The following FNDC3A variants were observed in gnomAD, a reference collection of about 807,000 sequenced individuals.
FNDC3A encodes fibronectin type III domain containing 3A.
FNDC3A carries 32 observed loss-of-function variants against 148.9 expected under a neutral mutation model. The observed-to-expected ratio is 0.21, with a 90% CI of 0.16 to 0.29. FNDC3A has a LOEUF of 0.29. Among genes scored for constraint, FNDC3A ranks in the 10% least tolerant of loss-of-function variants. The pLI, the probability that FNDC3A is intolerant of heterozygous loss-of-function variation, is 1.00. For missense variants in FNDC3A, 1,191 were observed against 1,452.8 expected, an observed-to-expected ratio of 0.82 and a Z score of 2.93; for synonymous variants, 472 against 473.6, an observed-to-expected ratio of 1.00 and a Z score of 0.04.
chr13:48,987,223 T>A (rs1456998737), intron 1 of FNDC3A, among the ~76,000 whole-genome samples: 1 of 152,200 alleles, frequency 6.6e-6, no homozygotes, highest in Admixed American at 6.5e-5. Flanking sequence ...GCCTATGTGC[T>A]CCAAAGACAC....
intron 3 of FNDC3A, chr13:49,110,372 T>A: frequency 1.2e-6 from 2 of 1,612,936 alleles, no homozygotes; most frequent in Non-Finnish European, 1.7e-6. Flanking sequence ...TGGATTTTCT[T>A]GTTCTCTGCT....
rs1043864401 is a variant in FNDC3A, at chr13:49,017,858, C to T, written c.99+11569C>T. Among the ~76,000 whole-genome samples the T allele has an allele frequency of 6.5e-4, 98 of 151,906 alleles. 2 individuals carry two copies. Among genetic ancestry groups the T allele is most frequent in the African/African-American group, 1.4e-3 (60 of 41,420 alleles). ...AAGTATTTTATTTCTCCTTCACTTA[C>T]GAAGCTTAGTTTGGCTGGATATGAA... On this transcript the variant is annotated intron_variant, in intron 2 of 25. Coordinates refer to ENST00000492622, the MANE Select transcript of FNDC3A (RefSeq NM_001079673.2).
At chr13:49,060,710 CTG>C (rs1285956886) in intron 2 of FNDC3A, among the ~76,000 whole-genome samples, 1 of 145,358 alleles carries the variant, frequency 6.9e-6, no homozygotes, top group African/African-American at 2.6e-5. Context: ...CTTAAAAACA[CTG>C]TACTGAGTGA....
chr13:49,141,231 T>A (rs1882672793), intron 7 of FNDC3A, among the ~76,000 whole-genome samples: 1 of 152,218 alleles, frequency 6.6e-6, no homozygotes, highest in Admixed American at 6.5e-5. Context: ...ATGAAATAAT[T>A]AACTATATTG....
chr13:49,127,716 T>C (rs993493827), intron 4 of FNDC3A, among the ~76,000 whole-genome samples: 4 of 152,152 alleles, frequency 2.6e-5, no homozygotes, highest in Non-Finnish European at 4.4e-5. Flanking sequence ...TTATAAACTC[T>C]TCAAACTCAC....
At chr13:48,982,444 T>G (rs1165486437) in intron 1 of FNDC3A, among the ~76,000 whole-genome samples, 1 of 152,156 alleles carries the variant, frequency 6.6e-6, no homozygotes, top group Non-Finnish European at 1.5e-5. Flanking sequence ...ATGCTTCAGA[T>G]TGGTATTCCT....
intron 2 of FNDC3A, among the ~76,000 whole-genome samples, chr13:49,024,818 C>T (rs745480363): frequency 1.1e-4 from 16 of 151,944 alleles, no homozygotes; most frequent in South Asian, 2.1e-4. Flanking sequence ...TCTCTAGGAA[C>T]TGAAAAATAA....
At chr13:49,086,523 T>TCA (rs1878826263) in intron 3 of FNDC3A, among the ~76,000 whole-genome samples, 1 of 152,218 alleles carries the variant, frequency 6.6e-6, no homozygotes, top group South Asian at 2.1e-4. Context: ...TTTTATAAGA[T>TCA]CACTGGTTAT....
At chr13:49,065,453 A>G (rs1566227342) in intron 2 of FNDC3A, among the ~76,000 whole-genome samples, 1 of 152,198 alleles carries the variant, frequency 6.6e-6, no homozygotes, top group Non-Finnish European at 1.5e-5. Context: ...TATGTTACAT[A>G]CCTATTTATC....
chr13:48,997,336 A>C (rs1466718677), intron 1 of FNDC3A, among the ~76,000 whole-genome samples: 2 of 152,230 alleles, frequency 1.3e-5, no homozygotes, highest in East Asian at 3.9e-4. Context: ...AGGTTAAGGA[A>C]GAAAACTAGC....
At chr13:49,197,566 TA>T (rs1886213788) in intron 20 of FNDC3A, among the ~76,000 whole-genome samples, 158 bp from the exon 21 acceptor site, 1 of 152,214 alleles carries the variant, frequency 6.6e-6, no homozygotes. Context: ...TCTTAATGAA[TA>T]AAAAATGTAA....
Position 49,197,689 on chromosome 13 carries a change from CAAGACT to C in FNDC3A, c.2341-30_2341-25del, listed in dbSNP as rs761751209. The stretch of plus-strand genomic sequence containing the variant: ...TGGCCAAAAGCTATTTAATCAACAT[CAAGACT>C]AAGACCTTTATCCTTTTCTTAATTT... On this transcript the variant is annotated intron_variant, in intron 20 of 25. Coordinates refer to ENST00000492622, the MANE Select transcript of FNDC3A (RefSeq NM_001079673.2). 9 of 1,564,006 alleles carry C rather than the reference CAAGACT, an allele frequency of 5.8e-6. No individual in the cohort carries two copies. In the East Asian group the frequency reaches 1.8e-4, roughly 32 times the overall value.
chr13:49,188,477 A>G, intron 16 of FNDC3A, 38 bp from the exon 17 acceptor site: 1 of 1,237,482 alleles, frequency 8.1e-7, no homozygotes, highest in Non-Finnish European at 1.2e-6. Context: ...GTTAAACATT[A>G]CCTAGTATCT....
chr13:49,136,379 A>G lies in FNDC3A; in HGVS notation c.538A>G (p.Ser180Gly), dbSNP rs759935299. Residue 180 changes from serine to glycine, a missense_variant, in exon 6 of 26, where the codon AGT becomes GGT. Ser to Gly is a moderately conservative substitution (Grantham distance 56). This residue lies in a region of FNDC3A where 426 missense variants were observed against 473.2 expected (regional missense o/e 0.90). Transcript: ENST00000492622. ...GTCCAACTTTAGAGATGAACGATCTAGTAAAACATATGAACGTTTGCAGAA... is the reference window on the plus strand; with the variant it reads ...GTCCAACTTTAGAGATGAACGATCTGGTAAAACATATGAACGTTTGCAGAA... ...GRSNFRDERS[S>G]KTYERLQKKL... The G allele has an allele frequency of 6.2e-7, 1 of 1,614,102 alleles. No homozygotes were observed. The highest frequency in any genetic ancestry group is 1.3e-5 in the African/African-American group (1 of 75,062).
chr13:49,007,888 C>T (rs781476948), intron 2 of FNDC3A, among the ~76,000 whole-genome samples: 43 of 152,156 alleles, frequency 2.8e-4, no homozygotes, highest in African/African-American at 5.3e-4. Flanking sequence ...TAGCAGGTTG[C>T]GTGTAGTTCG....
chr13:49,061,391 TCCCTCCCCTTCCCTC>T (rs1876699960), intron 2 of FNDC3A, among the ~76,000 whole-genome samples: 2 of 2,542 alleles, frequency 7.9e-4, no homozygotes, highest in Non-Finnish European at 1.3e-3. Flanking sequence ...TCCCTTCCCT[TCCCTCCCCTTCCCTC>T]CCCTCCCCTC....
At chr13:49,101,163 T>C (rs1879834161) in intron 3 of FNDC3A, among the ~76,000 whole-genome samples, 1 of 152,122 alleles carries the variant, frequency 6.6e-6, no homozygotes. Context: ...ACTCCCCTTA[T>C]CTCCCTTTAG....
At chr13:49,046,141 C>T (rs1875387261) in intron 2 of FNDC3A, 1 of 157,092 alleles carries the variant, frequency 6.4e-6, no homozygotes, top group African/African-American at 2.4e-5. Context: ...CTTAGAACTT[C>T]ATGTAAAGTA....
In FNDC3A at chr13:49,174,475, C is replaced by T. The variant is rs778965779; in HGVS notation, c.1271C>T (p.Ser424Leu). 51 of 1,612,120 alleles carry T rather than the reference C, an allele frequency of 3.2e-5. No homozygotes were observed. The highest frequency in any genetic ancestry group is 1.6e-4 in the Middle Eastern group (1 of 6,068). ...NGEFCQCYMG[S>L]QKQFKITKLS... ...GAATTTTGTCAGTGTTACATGGGCT[C>T]ACAGAAACAATTTAAAATTACTAAA... The change falls in exon 12 of 26, where the codon TCA becomes TTA. Residue 424 changes from serine (S) to leucine (L), a missense_variant. Physicochemically the swap from Ser to Leu is moderately radical, Grantham distance 145 (BLOSUM62 -2). Coordinates refer to ENST00000492622, the MANE Select transcript of FNDC3A (RefSeq NM_001079673.2).
Sources: gnomAD v4.1 joint callset for allele counts (sites outside exome capture counted in the v4.1 genomes callset) on GRCh38, gnomAD v4.1.1 for gene constraint, gnomAD v4.1.1 regional missense constraint, MANE v1.5 for transcripts, NCBI Gene and HGNC (gene_info 2026-07-23, HGNC 2026-07-21) for gene names.